CHCHD3: variants seen among roughly 807,000 people sequenced by gnomAD.
CHCHD3 encodes the protein MICOS complex subunit MIC19.
CHCHD3 carries 20 observed loss-of-function variants against 38.2 expected under a neutral mutation model. The observed-to-expected ratio is 0.52, with a 90% CI of 0.37 to 0.76. CHCHD3 has a LOEUF of 0.76. Among genes scored for constraint, CHCHD3 ranks in the 30% least tolerant of loss-of-function variants. The probability of loss-of-function intolerance (pLI) is 0.00; values close to 1 mark genes in which losing one functional copy is unlikely to be tolerated. For synonymous variants in CHCHD3, 82 were observed against 100.0 expected (o/e 0.82, Z 1.07); for missense variants, 245 against 279.2 (o/e 0.88, Z 0.87).
intron 2 of CHCHD3, among the ~76,000 whole-genome samples, chr7:133,036,626 G>C (rs1376713286): frequency 6.6e-6 from 1 of 152,186 alleles, no homozygotes; most frequent in African/African-American, 2.4e-5. Context: ...CAGGTTTACA[G>C]AGACCTGTGT....
chr7:132,945,511 G>T (rs1810874457), intron 4 of CHCHD3, among the ~76,000 whole-genome samples: 1 of 151,834 alleles, frequency 6.6e-6, no homozygotes, highest in Non-Finnish European at 1.5e-5. Flanking sequence ...GTTTAGATGT[G>T]ATTAAATGAC....
At chr7:133,060,909 T>A (rs1305812056) in intron 2 of CHCHD3, among the ~76,000 whole-genome samples, 1 of 151,882 alleles carries the variant, frequency 6.6e-6, no homozygotes, top group African/African-American at 2.4e-5. Context: ...AAACTCCAAC[T>A]CAAAAATAAA....
intron 4 of CHCHD3, among the ~76,000 whole-genome samples, chr7:132,952,347 C>T (rs557169160): frequency 9.2e-5 from 14 of 152,266 alleles, no homozygotes; most frequent in African/African-American, 2.2e-4. Flanking sequence ...CTTTAATGAC[C>T]GGCCAGACTT....
intron 3 of CHCHD3, among the ~76,000 whole-genome samples, chr7:132,984,951 G>A (rs1221448935): frequency 3.7e-5 from 3 of 81,904 alleles, no homozygotes; most frequent in Admixed American, 1.2e-4. Context: ...GGTGAGGGGC[G>A]CCTCTGCCCG....
intron 4 of CHCHD3, among the ~76,000 whole-genome samples, chr7:132,960,714 A>G (rs781579054): frequency 3.3e-5 from 5 of 152,216 alleles, no homozygotes; most frequent in East Asian, 1.9e-4. Context: ...ATGGTGGCTC[A>G]TGCCTGTAAT....
chr7:132,856,272 G>A (rs1007356988), intron 5 of CHCHD3, among the ~76,000 whole-genome samples: 2 of 152,206 alleles, frequency 1.3e-5, no homozygotes, highest in Non-Finnish European at 1.5e-5. Flanking sequence ...CGTTCTGTTA[G>A]TTCCCACAAA....
intron 7 of CHCHD3, among the ~76,000 whole-genome samples, chr7:132,786,661 C>T (rs571468836): frequency 3.3e-4 from 51 of 152,280 alleles, no homozygotes; most frequent in Non-Finnish European, 6.0e-4. Context: ...ACCTGCCTCC[C>T]GCCAACCCGC....
At chr7:133,019,328 A>G (rs1465992424) in intron 3 of CHCHD3, among the ~76,000 whole-genome samples, 5 of 152,172 alleles carry the variant, frequency 3.3e-5, no homozygotes, top group Non-Finnish European at 7.3e-5. Context: ...ATGTAATAAT[A>G]AAAATCAAGA....
Position 133,020,932 on chromosome 7 carries a change from T to C in CHCHD3, c.251+3614A>G, listed in dbSNP as rs560879047. ...CAACTGACATTTTGAGCCAAATAAT[T>C]CTTTTTTGGTGGGGGGAGAACGGAT... On this transcript the variant is annotated intron_variant, in intron 3 of 7. Coordinates refer to ENST00000262570, the MANE Select transcript of CHCHD3 (RefSeq NM_017812.4). 6.3e-5 allele frequency among the ~76,000 whole-genome samples: 9 copies of C among 141,932 alleles called. No individual in the cohort carries two copies. The East Asian group carries it at 2.1e-3, about 33-fold the overall frequency. The allele number at this position is 141,932 out of a possible 152,430, so 93.1% of individuals were successfully genotyped here.
At chr7:132,900,041 C>T (rs1809625308) in intron 4 of CHCHD3, among the ~76,000 whole-genome samples, 1 of 152,192 alleles carries the variant, frequency 6.6e-6, no homozygotes, top group Non-Finnish European at 1.5e-5. Flanking sequence ...CACTGTGTGG[C>T]AGCAGCGTTC....
intron 6 of CHCHD3, among the ~76,000 whole-genome samples, chr7:132,829,797 G>C (rs188251847): frequency 1.4e-4 from 21 of 152,166 alleles, no homozygotes; most frequent in Admixed American, 5.2e-4. Flanking sequence ...ATGTTCATGA[G>C]ATGGCTGCAT....
At chr7:132,809,761 C>T (rs1807019519) in intron 6 of CHCHD3, among the ~76,000 whole-genome samples, 1 of 152,164 alleles carries the variant, frequency 6.6e-6, no homozygotes, top group Non-Finnish European at 1.5e-5. Flanking sequence ...TTCCTAATGT[C>T]CATTCCCAAG....
At chr7:132,818,350 G>C (rs1051415101) in intron 6 of CHCHD3, among the ~76,000 whole-genome samples, 3 of 152,206 alleles carry the variant, frequency 2.0e-5, no homozygotes, top group Non-Finnish European at 4.4e-5. Flanking sequence ...TGACCCACTA[G>C]GTTAATGGGA....
intron 6 of CHCHD3, among the ~76,000 whole-genome samples, chr7:132,823,786 A>G (rs911495668): frequency 6.6e-6 from 1 of 152,240 alleles, no homozygotes; most frequent in African/African-American, 2.4e-5. Flanking sequence ...TGTCTCTCAC[A>G]CATTCATTGC....
At chr7:132,812,248 G>A (rs1259007746) in intron 6 of CHCHD3, among the ~76,000 whole-genome samples, 1 of 113,642 alleles carries the variant, frequency 8.8e-6, no homozygotes, top group African/African-American at 3.5e-5. Context: ...TCTTGCTGTA[G>A]CCCAGGCTGG....
chr7:132,966,334 C>G (rs767683102), intron 4 of CHCHD3, among the ~76,000 whole-genome samples: 1 of 152,106 alleles, frequency 6.6e-6, no homozygotes, highest in South Asian at 2.1e-4. Flanking sequence ...GGAATAGTTA[C>G]AAGATACATG....
At chr7:132,958,793 G>C (rs1811242621) in intron 4 of CHCHD3, among the ~76,000 whole-genome samples, 1 of 152,162 alleles carries the variant, frequency 6.6e-6, no homozygotes, top group African/African-American at 2.4e-5. Context: ...TGTGAGCACA[G>C]GTAAGTCCTC....
At chr7:132,800,765 A>C (rs952413783) in intron 6 of CHCHD3, among the ~76,000 whole-genome samples, 11 of 152,248 alleles carry the variant, frequency 7.2e-5, no homozygotes, top group African/African-American at 2.6e-4. Context: ...TACTATGATG[A>C]AATACCAGAG....
intron 5 of CHCHD3, chr7:132,847,161 A>T (rs776898273): frequency 1.3e-5 from 2 of 152,150 alleles, no homozygotes; most frequent in African/African-American, 2.4e-5. Context: ...AGGAAGGGGG[A>T]GGTCCAGAGA....
Sources: allele counts gnomAD v4.1 joint callset (sites outside exome capture counted in the v4.1 genomes callset), GRCh38; gene constraint gnomAD v4.1.1; transcripts MANE v1.5; gene names NCBI Gene and HGNC (gene_info 2026-07-23, HGNC 2026-07-21).